Variants in GLIS3 observed in about 807,000 individuals in gnomAD.
GLIS3 encodes the protein zinc finger protein GLIS3.
Under a neutral mutation model 78.6 loss-of-function variants are expected in GLIS3, and 53 were observed. That is an observed-to-expected ratio of 0.67 (90% CI 0.54 to 0.85). The LOEUF (loss-of-function observed/expected upper bound fraction) is 0.85, where lower values mean the gene tolerates loss of function less well. Among genes scored for constraint, GLIS3 ranks in the 40% least tolerant of loss-of-function variants. GLIS3 has a pLI of 0.00. For missense variants in GLIS3, 1,703 were observed against 1,231.1 expected, an observed-to-expected ratio of 1.38 and a Z score of -5.74; for synonymous variants, 684 against 509.9, an observed-to-expected ratio of 1.34 and a Z score of -4.60.
intron 4 of GLIS3, among the ~76,000 whole-genome samples, chr9:4,062,946 G>C (rs528378134): frequency 4.2e-4 from 63 of 151,286 alleles, no homozygotes; most frequent in African/African-American, 1.3e-3. Context: ...AAAAAAGAAA[G>C]AATGTGAAGT....
chr9:4,147,177 A>G (rs977811320), intron 2 of GLIS3: 2 of 152,178 alleles, frequency 1.3e-5, no homozygotes, highest in African/African-American at 4.8e-5. Flanking sequence ...CTATATTTTA[A>G]TTTCTTACAG....
intron 1 of GLIS3, among the ~76,000 whole-genome samples, chr9:4,295,859 C>T (rs1816442103): frequency 6.6e-6 from 1 of 152,174 alleles, no homozygotes; most frequent in South Asian, 2.1e-4. Flanking sequence ...ATCTTTTAAT[C>T]AAACTATGTA....
chr9:4,443,589 G>T, the GLIS3 span, among the ~76,000 whole-genome samples: 25 of 152,208 alleles, frequency 1.6e-4, no homozygotes, highest in African/African-American at 6.0e-4. Flanking sequence ...AATGATGGAA[G>T]AGAAAGTAAC....
chr9:4,015,828 G>A (rs1372949139), intron 4 of GLIS3, among the ~76,000 whole-genome samples: 1 of 147,162 alleles, frequency 6.8e-6, no homozygotes, highest in Non-Finnish European at 1.5e-5. Context: ...GGCGGAGGTT[G>A]CAGTGAGCTG....
intron 7 of GLIS3, among the ~76,000 whole-genome samples, chr9:3,882,789 G>C (rs1248783473): frequency 6.6e-6 from 1 of 152,192 alleles, no homozygotes; most frequent in African/African-American, 2.4e-5. Flanking sequence ...ACTGGATTTG[G>C]AAAATGTACT....
chr9:4,282,987 A>C (rs1472449156), intron 2 of GLIS3, among the ~76,000 whole-genome samples: 2 of 152,010 alleles, frequency 1.3e-5, no homozygotes, highest in East Asian at 3.9e-4. Flanking sequence ...CAAGTCCATG[A>C]CATGCACCAG....
chr9:4,212,166 C>A (rs1268680095), intron 2 of GLIS3, among the ~76,000 whole-genome samples: 1 of 152,058 alleles, frequency 6.6e-6, no homozygotes, highest in East Asian at 1.9e-4. Flanking sequence ...TAAATTATAC[C>A]TCGATTTTTA....
At chr9:4,447,660 G>T in the GLIS3 span, among the ~76,000 whole-genome samples, 48 of 152,056 alleles carry the variant, frequency 3.2e-4, 1 homozygote, top group Non-Finnish European at 1.8e-4. Context: ...ACTGACCTTT[G>T]CCTCCAGGTA....
chr9:4,348,485 T>C (rs1382441741), upstream of GLIS3: 1 of 152,248 alleles, frequency 6.6e-6, no homozygotes, highest in Admixed American at 6.5e-5. Flanking sequence ...TTTCTTCAAA[T>C]TGATAATAAC....
At chr9:4,423,138 C>T in the GLIS3 span, among the ~76,000 whole-genome samples, 17 of 152,024 alleles carry the variant, frequency 1.1e-4, no homozygotes, top group South Asian at 4.2e-4. Flanking sequence ...TGGGCAACTC[C>T]GATCATTTCC....
chr9:4,211,205 C>T (rs931446255), intron 2 of GLIS3, among the ~76,000 whole-genome samples: 1 of 152,226 alleles, frequency 6.6e-6, no homozygotes. Flanking sequence ...AATACATGAA[C>T]TTGTGCCCTA....
At chr9:3,954,087 T>C (rs1018583554) in intron 4 of GLIS3, among the ~76,000 whole-genome samples, 47 of 152,256 alleles carry the variant, frequency 3.1e-4, no homozygotes, top group African/African-American at 1.1e-3. Context: ...CTGTTCTCCC[T>C]ACCTTAATTA....
the GLIS3 span, among the ~76,000 whole-genome samples, chr9:4,477,579 A>G: frequency 6.6e-6 from 1 of 151,890 alleles, no homozygotes; most frequent in Non-Finnish European, 1.5e-5. Context: ...ACACCCAGCT[A>G]ATTTTTGTAT....
intron 2 of GLIS3, among the ~76,000 whole-genome samples, chr9:4,197,461 G>A (rs1563739541): frequency 6.6e-6 from 1 of 151,950 alleles, no homozygotes; most frequent in Admixed American, 6.6e-5. Context: ...CTGCCCCCCT[G>A]CCCCCACCCC....
the GLIS3 span, among the ~76,000 whole-genome samples, chr9:4,391,499 C>T: frequency 7.9e-5 from 12 of 151,832 alleles, no homozygotes; most frequent in Non-Finnish European, 1.8e-4. Context: ...CACCTGGCAC[C>T]AGGTTCAAGT....
At chr9:3,848,157 T>C (rs1055360869) in intron 9 of GLIS3, among the ~76,000 whole-genome samples, 11 of 152,256 alleles carry the variant, frequency 7.2e-5, no homozygotes, top group African/African-American at 9.6e-5. Context: ...TATGCAGTTA[T>C]GATGAAATTT....
At chr9:3,878,733 G>T (rs1047990876) in intron 8 of GLIS3, 1 of 152,828 alleles carries the variant, frequency 6.5e-6, no homozygotes, top group South Asian at 2.1e-4. Flanking sequence ...TCCTTCCAAA[G>T]CTACCTGTAC....
At chr9:3,932,296 T>G in intron 6 of GLIS3, 64 bp downstream of exon 6, 1 of 1,268,612 alleles carries the variant, frequency 7.9e-7, no homozygotes, top group Non-Finnish European at 1.2e-6. Flanking sequence ...TGCAGAAGCT[T>G]CGTGTACTAC....
intron 1 of GLIS3, among the ~76,000 whole-genome samples, chr9:4,296,563 C>T (rs1051774434): frequency 6.6e-6 from 1 of 152,092 alleles, no homozygotes; most frequent in African/African-American, 2.4e-5. Context: ...GGTATTCAAC[C>T]TCTGATAACC....
Sources: gnomAD v4.1 joint callset for allele counts (sites outside exome capture counted in the v4.1 genomes callset) on GRCh38, gnomAD v4.1.1 for gene constraint, MANE v1.5 for transcripts, NCBI Gene and HGNC (gene_info 2026-07-23, HGNC 2026-07-21) for gene names.